Variants in RBFOX1 observed in about 807,000 individuals in gnomAD.
RBFOX1 encodes RNA binding fox-1 homolog 1.
A neutral mutation model predicts 57.7 loss-of-function variants in RBFOX1; 8 were observed. That is an observed-to-expected ratio of 0.14 (90% CI 0.08 to 0.25). RBFOX1 has a LOEUF of 0.25. Among genes scored for constraint, RBFOX1 ranks in the 10% least tolerant of loss-of-function variants. RBFOX1 has a pLI of 1.00. For synonymous variants in RBFOX1, 326 were observed against 222.4 expected, an observed-to-expected ratio of 1.47 and a Z score of -4.15; for missense variants, 611 against 548.5, an observed-to-expected ratio of 1.11 and a Z score of -1.14.
intron 3 of RBFOX1, among the ~76,000 whole-genome samples, chr16:5,637,541 A>G (rs914067660): frequency 1.3e-5 from 2 of 152,202 alleles, no homozygotes; most frequent in Non-Finnish European, 2.9e-5. Context: ...ACTATTGAAC[A>G]CCTAGTGTAT....
intron 3 of RBFOX1, among the ~76,000 whole-genome samples, chr16:6,718,040 A>G (rs913458340): frequency 1.3e-5 from 2 of 152,152 alleles, no homozygotes; most frequent in South Asian, 4.1e-4. Flanking sequence ...CTGGTGTTTC[A>G]TCCCAAATAA....
intron 4 of RBFOX1, among the ~76,000 whole-genome samples, chr16:7,259,352 C>T (rs139719779): frequency 0.018 from 2,735 of 152,166 alleles, 44 homozygotes; most frequent in Admixed American, 0.033. Flanking sequence ...TAACCAAAAG[C>T]GAATGGGTTC....
chr16:7,492,691 A>G (rs566652385), intron 4 of RBFOX1, among the ~76,000 whole-genome samples: 2 of 152,138 alleles, frequency 1.3e-5, no homozygotes, highest in Admixed American at 1.3e-4. Context: ...GTTTAGTGCC[A>G]TACCCTTGGT....
intron 4 of RBFOX1, among the ~76,000 whole-genome samples, chr16:5,898,704 C>T (rs935635863): frequency 7.9e-5 from 12 of 152,056 alleles, no homozygotes; most frequent in Admixed American, 2.0e-4. Flanking sequence ...TTTGACTTCA[C>T]GGGCAAGTTT....
chr16:6,219,044 T>C (rs1328916845), intron 1 of RBFOX1, among the ~76,000 whole-genome samples: 1 of 152,126 alleles, frequency 6.6e-6, no homozygotes, highest in South Asian at 2.1e-4. Context: ...GTGGAACAGG[T>C]ACATATTTAT....
intron 4 of RBFOX1, among the ~76,000 whole-genome samples, chr16:5,943,316 GT>G (rs1446821998): frequency 6.6e-6 from 1 of 152,202 alleles, no homozygotes; most frequent in Non-Finnish European, 1.5e-5. Flanking sequence ...GGAATCTCCA[GT>G]TGATTCTGCA....
At chr16:5,564,616 C>G (rs193070761) in intron 2 of RBFOX1, among the ~76,000 whole-genome samples, 19 of 152,258 alleles carry the variant, frequency 1.2e-4, no homozygotes, top group Non-Finnish European at 8.8e-5. Context: ...TGTAGCATCT[C>G]TTTTTGGAGT....
intron 1 of RBFOX1, among the ~76,000 whole-genome samples, chr16:6,297,508 G>T (rs571020068): frequency 6.6e-6 from 1 of 152,066 alleles, no homozygotes; most frequent in African/African-American, 2.4e-5. Context: ...CCTCTGAACC[G>T]AGTTTCCTGA....
intron 3 of RBFOX1, among the ~76,000 whole-genome samples, chr16:6,691,284 CAGAG>C (rs2060170387): frequency 6.6e-6 from 1 of 152,080 alleles, no homozygotes. Flanking sequence ...GTGCGTGCTG[CAGAG>C]GTAGGGGGTG....
intron 2 of RBFOX1, among the ~76,000 whole-genome samples, chr16:6,450,770 T>TACATATAC: frequency 5.0e-5 from 1 of 19,908 alleles, no homozygotes; most frequent in Non-Finnish European, 7.1e-5. Flanking sequence ...TATATGTGTA[T>TACATATAC]ATATATATAT....
intron 1 of RBFOX1, chr16:5,261,018 G>C (rs764271162): frequency 1.3e-5 from 2 of 152,174 alleles, no homozygotes; most frequent in Admixed American, 6.5e-5. Flanking sequence ...TGAACTTCCG[G>C]GTCCAGATAG....
chr16:5,303,919 G>A (rs1252843403), intron 1 of RBFOX1, among the ~76,000 whole-genome samples: 2 of 152,134 alleles, frequency 1.3e-5, no homozygotes, highest in African/African-American at 4.8e-5. Context: ...ACAAGGCACC[G>A]TGGGAGTACC....
chr16:6,949,311 T>C (rs2080213850), intron 3 of RBFOX1, among the ~76,000 whole-genome samples: 1 of 152,180 alleles, frequency 6.6e-6, no homozygotes, highest in Non-Finnish European at 1.5e-5. Context: ...CATGTACCAG[T>C]TAGTTTTCAA....
At chr16:6,316,333 A>T (rs373040960) in intron 1 of RBFOX1, among the ~76,000 whole-genome samples, 1 of 152,220 alleles carries the variant, frequency 6.6e-6, no homozygotes, top group East Asian at 1.9e-4. Flanking sequence ...TTAAATATCA[A>T]TGAACATGAA....
chr16:7,369,360 C>T (rs924874031), intron 4 of RBFOX1, among the ~76,000 whole-genome samples: 1 of 152,100 alleles, frequency 6.6e-6, no homozygotes, highest in African/African-American at 2.4e-5. Flanking sequence ...TAGCAAGAAG[C>T]AAAGGCAGAC....
chr16:7,370,842 G>A (rs893618468), intron 4 of RBFOX1, among the ~76,000 whole-genome samples: 1 of 152,200 alleles, frequency 6.6e-6, no homozygotes, highest in Admixed American at 6.5e-5. Context: ...TGGTAGGCAT[G>A]ATTAATTGCA....
chr16:6,518,874 G>A (rs2153797468), intron 2 of RBFOX1, among the ~76,000 whole-genome samples: 1 of 151,612 alleles, frequency 6.6e-6, no homozygotes, highest in Admixed American at 6.6e-5. Context: ...TAGCAAACGT[G>A]CCCCGTTCTT....
intron 3 of RBFOX1, among the ~76,000 whole-genome samples, chr16:6,657,862 G>T (rs150929913): frequency 1.2e-3 from 189 of 151,878 alleles, no homozygotes; most frequent in Admixed American, 4.3e-3. Flanking sequence ...TTAGTTAAGG[G>T]AGCTTCACAG....
chr16:6,248,844 AT>A (rs2097584850), intron 1 of RBFOX1, among the ~76,000 whole-genome samples: 1 of 152,144 alleles, frequency 6.6e-6, no homozygotes, highest in Non-Finnish European at 1.5e-5. Context: ...TGAATATTAA[AT>A]ACGTCAACAC....
Sources: allele counts gnomAD v4.1 joint callset (sites outside exome capture counted in the v4.1 genomes callset), GRCh38; gene constraint gnomAD v4.1.1; transcripts MANE v1.5; gene names NCBI Gene and HGNC (gene_info 2026-07-23, HGNC 2026-07-21).